EYA3: variants seen among roughly 807,000 people sequenced by gnomAD.
EYA3 encodes the protein protein phosphatase EYA3.
A neutral mutation model predicts 80.0 loss-of-function variants in EYA3; 39 were observed. That is an observed-to-expected ratio of 0.49 (90% CI 0.38 to 0.64). The LOEUF is 0.64. EYA3 is among the 30% of genes least tolerant of loss of function. EYA3 has a pLI of 0.00. For synonymous variants in EYA3, 206 were observed against 232.8 expected, an observed-to-expected ratio of 0.88 and a Z score of 1.05; for missense variants, 523 against 676.1, an observed-to-expected ratio of 0.77 and a Z score of 2.51.
intron 7 of EYA3, among the ~76,000 whole-genome samples, chr1:28,026,215 C>T (rs896616184): frequency 1.3e-5 from 2 of 152,122 alleles, no homozygotes; most frequent in East Asian, 3.8e-4. Context: ...TTAAGAGAAC[C>T]CTTGGTCTTC....
chr1:28,037,175 T>G (rs1164818476), intron 5 of EYA3, among the ~76,000 whole-genome samples: 2 of 152,218 alleles, frequency 1.3e-5, no homozygotes, highest in Non-Finnish European at 2.9e-5. Context: ...TAATAAAGAT[T>G]ATTTTGACAC....
chr1:28,048,379 A>T lies in EYA3; in HGVS notation c.77+4T>A, dbSNP rs762322285. 1.9e-6 allele frequency: 3 copies of T among 1,602,360 alleles called. No individual in the cohort carries two copies. In the South Asian group the frequency reaches 3.4e-5, roughly 18 times the overall value. On this transcript the variant is annotated splice_donor_region_variant and intron_variant, in intron 3 of 17. Coordinates refer to ENST00000373871, the MANE Select transcript of EYA3 (RefSeq NM_001990.4). ...TCATTAAAAAGAAAGCAAACTTTACATACCTTATAGTTTGCTCTCCTGATT... is the reference window on the plus strand; with the variant it reads ...TCATTAAAAAGAAAGCAAACTTTACTTACCTTATAGTTTGCTCTCCTGATT...
intron 16 of EYA3, among the ~76,000 whole-genome samples, chr1:27,986,399 A>AC (rs1639659352): frequency 7.4e-6 from 1 of 135,322 alleles, no homozygotes; most frequent in Non-Finnish European, 1.6e-5. Context: ...CTCTCTTAAC[A>AC]TTTTTTTTTT....
Position 27,977,625 on chromosome 1 carries a change from C to T in EYA3, c.1641+749G>A, listed in dbSNP as rs1443180077. Reference sequence around the variant, plus strand: ...CAGCACTTTGGGAGGCCGAGGCAGGCGGATCACAAGGTCAGGAGTTCGAGA... The same window carrying T: ...CAGCACTTTGGGAGGCCGAGGCAGGTGGATCACAAGGTCAGGAGTTCGAGA... On this transcript the variant is annotated intron_variant, in intron 17 of 17. Transcript: ENST00000373871. Among the ~76,000 whole-genome samples the T allele has an allele frequency of 3.3e-5, 5 of 151,628 alleles. No homozygotes were observed. The South Asian group carries it at 8.4e-4, about 25-fold the overall frequency.
intron 1 of EYA3, among the ~76,000 whole-genome samples, chr1:28,066,777 T>C (rs938608802): frequency 1.3e-5 from 2 of 152,138 alleles, no homozygotes; most frequent in Non-Finnish European, 2.9e-5. Context: ...AGAATTATGA[T>C]AAATAAAACA....
intron 1 of EYA3, among the ~76,000 whole-genome samples, chr1:28,081,173 TACAGTAAATA>T (rs1645414495): frequency 6.6e-6 from 1 of 152,176 alleles, no homozygotes; most frequent in Admixed American, 6.5e-5. Context: ...GTGAGGTACC[TACAGTAAATA>T]AATACATACT....
intron 10 of EYA3, 58 bp from the exon 11 acceptor site, chr1:28,004,477 A>G (rs1641128365): frequency 1.6e-6 from 2 of 1,246,826 alleles, no homozygotes; most frequent in Non-Finnish European, 2.3e-6. Flanking sequence ...GAATGAAACC[A>G]GAAATCAATA....
chr1:28,032,260 T>C (rs1238237344), intron 6 of EYA3: 1 of 152,240 alleles, frequency 6.6e-6, no homozygotes, highest in Non-Finnish European at 1.5e-5. Flanking sequence ...TTTCAATTAA[T>C]AATACACTGT....
At chr1:28,011,214 C>T (rs1641674567) in intron 9 of EYA3, 128 bp from the exon 10 acceptor site, 1 of 952,506 alleles carries the variant, frequency 1.0e-6, no homozygotes, top group Non-Finnish European at 1.5e-6. Flanking sequence ...AAAGCTAAAC[C>T]TTATGTAAGC....
At chr1:28,073,353 A>G (rs544066177) in intron 1 of EYA3, among the ~76,000 whole-genome samples, 2 of 143,996 alleles carry the variant, frequency 1.4e-5, no homozygotes, top group African/African-American at 5.2e-5. Flanking sequence ...GCAGGAGTGC[A>G]GTGGCGCGAT....
At chr1:27,974,900 CCT>C (rs1412957666) in intron 17 of EYA3, among the ~76,000 whole-genome samples, 1 of 151,906 alleles carries the variant, frequency 6.6e-6, no homozygotes, top group East Asian at 1.9e-4. Flanking sequence ...CTCAGGTAAT[CCT>C]CTTACTCCAG....
intron 2 of EYA3, among the ~76,000 whole-genome samples, chr1:28,052,666 G>A (rs375262977): frequency 8.5e-5 from 13 of 152,186 alleles, no homozygotes; most frequent in Non-Finnish European, 1.6e-4. Flanking sequence ...AATATAGGCC[G>A]GAGGCAGTGG....
chr1:28,081,716 A>G (rs936005619), intron 1 of EYA3, among the ~76,000 whole-genome samples: 2 of 152,184 alleles, frequency 1.3e-5, no homozygotes, highest in African/African-American at 4.8e-5. Flanking sequence ...GCTGACCTAA[A>G]TCGTTTTCAG....
At chr1:28,010,525 G>A (rs919816114) in intron 10 of EYA3, among the ~76,000 whole-genome samples, 2 of 152,020 alleles carry the variant, frequency 1.3e-5, no homozygotes, top group African/African-American at 4.8e-5. Flanking sequence ...CAAGTAGGTG[G>A]GACTACAGGT....
intron 2 of EYA3, among the ~76,000 whole-genome samples, chr1:28,053,458 C>A (rs1194395535): frequency 6.6e-6 from 1 of 152,120 alleles, no homozygotes; most frequent in African/African-American, 2.4e-5. Flanking sequence ...TTAAATATAA[C>A]ACAGCAAGGA....
At chr1:28,027,706 T>G in intron 7 of EYA3, 83 bp downstream of exon 7, 1 of 1,549,656 alleles carries the variant, frequency 6.5e-7, no homozygotes, top group Non-Finnish European at 8.9e-7. Flanking sequence ...TTATCCAATT[T>G]GTTTGTTTGG....
intron 2 of EYA3, among the ~76,000 whole-genome samples, chr1:28,051,522 T>C (rs962479946): frequency 2.6e-5 from 4 of 152,016 alleles, no homozygotes; most frequent in African/African-American, 9.7e-5. Context: ...ACCCCATCTC[T>C]ACTAAAATAC....
chr1:28,065,818 C>T (rs1434056471), intron 1 of EYA3, among the ~76,000 whole-genome samples: 3 of 151,246 alleles, frequency 2.0e-5, no homozygotes, highest in Non-Finnish European at 4.4e-5. Flanking sequence ...GCCTGGCGAA[C>T]ATGGTGAAAC....
intron 1 of EYA3, among the ~76,000 whole-genome samples, chr1:28,069,454 C>A (rs1278701688): frequency 6.7e-6 from 1 of 149,112 alleles, no homozygotes; most frequent in Non-Finnish European, 1.5e-5. Flanking sequence ...TGGGAAGGGG[C>A]GGCTGAGGTA....
Sources: gnomAD v4.1 joint callset for allele counts (sites outside exome capture counted in the v4.1 genomes callset) on GRCh38, gnomAD v4.1.1 for gene constraint, MANE v1.5 for transcripts, NCBI Gene and HGNC (gene_info 2026-07-23, HGNC 2026-07-21) for gene names.